Variants in TNFAIP8 observed in about 807,000 individuals in gnomAD.
The protein encoded by TNFAIP8 is TNF alpha induced protein 8, also known as tumor necrosis factor alpha-induced protein 8.
A neutral mutation model predicts 13.3 loss-of-function variants in TNFAIP8; 7 were observed. The observed-to-expected ratio is 0.52, with a 90% CI of 0.30 to 0.99. The LOEUF is 0.99. TNFAIP8 is among the 50% of genes least tolerant of loss of function. TNFAIP8 has a pLI of 0.07. For synonymous variants in TNFAIP8, 94 were observed against 87.6 expected, an observed-to-expected ratio of 1.07 and a Z score of -0.41; for missense variants, 258 against 236.9, an observed-to-expected ratio of 1.09 and a Z score of -0.58.
At position 119,397,126 on chromosome 5, in the gene TNFAIP8, TACACACACAC is replaced by T. The variant is rs72379071; in HGVS notation, c.*3763_*3772del. The T allele has an allele frequency of 5.4e-5, 8 of 149,238 alleles. No homozygotes were observed. Among genetic ancestry groups the T allele is most frequent in the South Asian group, 2.1e-4 (1 of 4,694 alleles). The allele number at this position is 149,238 out of a possible 1,614,324, so 9.2% of individuals were successfully genotyped here. ...AGTTCTTTTTCTCCCACCATGTGAATACACACACACACACACACACACACACAATTTTTAA... is the reference window on the plus strand; with the variant it reads ...AGTTCTTTTTCTCCCACCATGTGAATACACACACACACACACAATTTTTAA... On this transcript the variant is annotated 3_prime_UTR_variant, in exon 2 of 2. Coordinates refer to ENST00000504771, the MANE Select transcript of TNFAIP8 (RefSeq NM_014350.4).
chr5:119,298,687 T>C (rs1295203216), intron 1 of TNFAIP8, among the ~76,000 whole-genome samples: 2 of 152,138 alleles, frequency 1.3e-5, no homozygotes, highest in African/African-American at 2.4e-5. Context: ...TCCTGGATAC[T>C]ATCCTGCAGA....
rs904075868 is a variant in TNFAIP8 at position 119,397,927 on chromosome 5, C to T, written c.*4546C>T. ...TCTGTCTCACCAAAGATGTGTTTTC[C>T]ACGTAGCAAAGAACATCAGCCCCAC... On this transcript the variant is annotated 3_prime_UTR_variant, in exon 2 of 2. Coordinates refer to ENST00000504771, the MANE Select transcript of TNFAIP8 (RefSeq NM_014350.4). The T allele has an allele frequency of 7.2e-5, 11 of 152,124 alleles. No homozygotes were observed. The highest frequency in any genetic ancestry group is 2.7e-4 in the African/African-American group (11 of 41,422). The allele number at this position is 152,124 out of a possible 1,614,324, so 9.4% of individuals were successfully genotyped here. A position where few individuals can be genotyped will look rare whatever the true frequency, so the allele number is the denominator to read the frequency against.
At chr5:119,370,413 C>T (rs143225937) in intron 1 of TNFAIP8, among the ~76,000 whole-genome samples, 1 of 152,326 alleles carries the variant, frequency 6.6e-6, no homozygotes, top group Non-Finnish European at 1.5e-5. Context: ...AAAATCCCAG[C>T]TTTTCCCATG....
intron 1 of TNFAIP8, among the ~76,000 whole-genome samples, chr5:119,302,067 C>T (rs1749412486): frequency 6.6e-6 from 1 of 152,222 alleles, no homozygotes; most frequent in African/African-American, 2.4e-5. Flanking sequence ...CAGTCCCCAT[C>T]TCTTAGCAAA....
intron 1 of TNFAIP8, among the ~76,000 whole-genome samples, chr5:119,375,049 G>A (rs1010825787): frequency 1.3e-5 from 2 of 152,148 alleles, no homozygotes; most frequent in South Asian, 2.1e-4. Flanking sequence ...TATGTGATAT[G>A]AATTTTATCT....
chr5:119,343,834 A>G (rs1750813679), intron 1 of TNFAIP8, among the ~76,000 whole-genome samples: 1 of 152,198 alleles, frequency 6.6e-6, no homozygotes, highest in Non-Finnish European at 1.5e-5. Context: ...AGCTGAAAAA[A>G]TAGACCAGCA....
At chr5:119,370,609 A>G (rs1302062663) in intron 1 of TNFAIP8, among the ~76,000 whole-genome samples, 1 of 152,262 alleles carries the variant, frequency 6.6e-6, no homozygotes, top group Non-Finnish European at 1.5e-5. Flanking sequence ...GAAGGGTGCA[A>G]AACACTGGCC....
intron 1 of TNFAIP8, among the ~76,000 whole-genome samples, chr5:119,276,549 A>G (rs1045881773): frequency 1.3e-5 from 2 of 152,184 alleles, no homozygotes; most frequent in Non-Finnish European, 1.5e-5. Context: ...ATATTCTCAC[A>G]GTTCTGGAGA....
Position 119,377,610 on chromosome 5 carries a change from GA to G in TNFAIP8, c.32-15205del, listed in dbSNP as rs889519045. Among the ~76,000 whole-genome samples the G allele has an allele frequency of 1.0e-3, 155 of 152,178 alleles. 1 individual carries two copies. Among genetic ancestry groups the G allele is most frequent in the African/African-American group, 3.7e-3 (155 of 41,520 alleles). Reference sequence around the variant, plus strand: ...AGTTGACACATTCTATAGAAATAAGGAGATTTTGGTACTCAAATGTAGCTTC... The same window carrying G: ...AGTTGACACATTCTATAGAAATAAGGGATTTTGGTACTCAAATGTAGCTTC... On this transcript the variant is annotated intron_variant, in intron 1 of 1. Transcript: ENST00000504771.
chr5:119,288,959 G>A (rs1748900429), intron 1 of TNFAIP8, among the ~76,000 whole-genome samples: 1 of 152,162 alleles, frequency 6.6e-6, no homozygotes, highest in African/African-American at 2.4e-5. Flanking sequence ...CCTTTTGTTG[G>A]CTTAAAGCCA....
At chr5:119,387,500 A>G (rs1395004844) in intron 1 of TNFAIP8, among the ~76,000 whole-genome samples, 4 of 152,218 alleles carry the variant, frequency 2.6e-5, no homozygotes, top group Admixed American at 2.0e-4. Context: ...TTTACTGGTA[A>G]GACTGTAAAG....
intron 1 of TNFAIP8, among the ~76,000 whole-genome samples, chr5:119,360,747 C>G (rs558037050): frequency 6.6e-6 from 1 of 152,232 alleles, no homozygotes; most frequent in South Asian, 2.1e-4. Flanking sequence ...GTAGGACAGA[C>G]CTAGTCTGTT....
chr5:119,301,222 A>G (rs547180500), intron 1 of TNFAIP8, among the ~76,000 whole-genome samples: 1 of 152,146 alleles, frequency 6.6e-6, no homozygotes, highest in Admixed American at 6.5e-5. Context: ...AGAGCTCTTC[A>G]TGTCTTCCTT....
chr5:119,302,819 T>G (rs1581586937), intron 1 of TNFAIP8, among the ~76,000 whole-genome samples: 2 of 152,190 alleles, frequency 1.3e-5, no homozygotes, highest in Non-Finnish European at 2.9e-5. Flanking sequence ...GGAGAATGCT[T>G]TTTATATATT....
chr5:119,293,358 C>T (rs1455280169), intron 1 of TNFAIP8, among the ~76,000 whole-genome samples: 1 of 152,184 alleles, frequency 6.6e-6, no homozygotes, highest in Non-Finnish European at 1.5e-5. Flanking sequence ...ATCTCCCCAT[C>T]CCCCAACCTT....
intron 1 of TNFAIP8, among the ~76,000 whole-genome samples, chr5:119,332,539 G>A (rs1442210135): frequency 6.6e-6 from 1 of 152,158 alleles, no homozygotes; most frequent in African/African-American, 2.4e-5. Flanking sequence ...AGCTTACCAT[G>A]TAGGGAGAGT....
chr5:119,333,011 T>C (rs1036835793), intron 1 of TNFAIP8, among the ~76,000 whole-genome samples: 1 of 152,056 alleles, frequency 6.6e-6, no homozygotes, highest in Non-Finnish European at 1.5e-5. Context: ...GTATTATTAA[T>C]AGACGTTCAT....
In TNFAIP8 at chr5:119,396,193, A is replaced by C. The variant is rs778398054; in HGVS notation, c.*2812A>C. ...TATGGCTAAAGGCAGTGCTAGGAACATCTTTGGCTCAGAGAAGCGTGGGCA... is the reference window on the plus strand; with the variant it reads ...TATGGCTAAAGGCAGTGCTAGGAACCTCTTTGGCTCAGAGAAGCGTGGGCA... On this transcript the variant is annotated 3_prime_UTR_variant, in exon 2 of 2. Transcript: ENST00000504771. The C allele has an allele frequency of 1.3e-5, 2 of 152,252 alleles. No individual in the cohort carries two copies. Among genetic ancestry groups the C allele is most frequent in the Non-Finnish European group, 2.9e-5 (2 of 68,050 alleles). 9.4% of individuals were successfully genotyped at this position (152,252 alleles called of 1,614,324 possible). A position where few individuals can be genotyped will look rare whatever the true frequency, so the allele number is the denominator to read the frequency against.
intron 1 of TNFAIP8, among the ~76,000 whole-genome samples, chr5:119,293,322 T>C (rs1481670021): frequency 6.6e-6 from 1 of 152,200 alleles, no homozygotes; most frequent in Non-Finnish European, 1.5e-5. Context: ...TCCTGTCTAA[T>C]TGAAATTTTA....
Sources: gnomAD v4.1 joint callset for allele counts (sites outside exome capture counted in the v4.1 genomes callset) on GRCh38, gnomAD v4.1.1 for gene constraint, MANE v1.5 for transcripts, NCBI Gene and HGNC (gene_info 2026-07-23, HGNC 2026-07-21) for gene names.